Variants in KXD1 observed in about 807,000 individuals in gnomAD.
KXD1 encodes kxDL motif-containing protein 1.
In KXD1, 5 loss-of-function variants were observed where a neutral mutation model predicts 12.1. The ratio of observed to expected loss-of-function variants is 0.41; its 90% CI spans 0.22 to 0.87. KXD1 has a LOEUF of 0.87. KXD1 is among the 40% of genes least tolerant of loss of function. KXD1 has a pLI of 0.31. For missense variants in KXD1, 193 were observed against 244.9 expected (o/e 0.79, Z 1.41); for synonymous variants, 98 against 100.5 (o/e 0.98, Z 0.15).
intron 2 of KXD1, among the ~76,000 whole-genome samples, chr19:18,563,240 G>A (rs149238647): frequency 3.9e-4 from 59 of 152,000 alleles, no homozygotes; most frequent in African/African-American, 1.3e-3. Context: ...TGAGCCAGAG[G>A]CTCTTCTCAG....
intron 1 of KXD1, chr19:18,560,006 CT>C (rs1974867354): frequency 6.7e-6 from 1 of 148,358 alleles, no homozygotes; most frequent in African/African-American, 2.5e-5. Flanking sequence ...CCCTCCCTCC[CT>C]TCCTTCCTTC....
Position 18,568,995 on chromosome 19 carries a change from G to A in KXD1, c.*364G>A, listed in dbSNP as rs1017186608. On this transcript the variant is annotated 3_prime_UTR_variant, in exon 5 of 5. Transcript: ENST00000222307. ...CCAGAGCCAGATGTCCCCCACCACCGGTCAGGACCTCCTTGAGGTGCACAA... is the reference window on the plus strand; with the variant it reads ...CCAGAGCCAGATGTCCCCCACCACCAGTCAGGACCTCCTTGAGGTGCACAA... 13 of 282,220 alleles carry A rather than the reference G, an allele frequency of 4.6e-5. No homozygotes were observed. Among genetic ancestry groups the A allele is most frequent in the East Asian group, 1.7e-4 (2 of 11,856 alleles). 17.5% of individuals were successfully genotyped at this position (282,220 alleles called of 1,614,324 possible).
chr19:18,568,193 G>T (rs896912425), intron 4 of KXD1, among the ~76,000 whole-genome samples: 1 of 151,576 alleles, frequency 6.6e-6, no homozygotes, highest in South Asian at 2.1e-4. Flanking sequence ...CTTGAACCCG[G>T]GAGACGGAGG....
chr19:18,566,208 T>C (rs939075441), intron 3 of KXD1, among the ~76,000 whole-genome samples: 1 of 151,330 alleles, frequency 6.6e-6, no homozygotes, highest in Non-Finnish European at 1.5e-5. Flanking sequence ...CCCAGCACTT[T>C]GGGAGGCCGA....
Position 18,562,073 on chromosome 19 carries a change from C to T in KXD1, c.17C>T (p.Ser6Leu), listed in dbSNP as rs371042831. MDLPD[S>L]ASRVFCGRIL... ...GAGAAAGAGATGGACCTCCCGGACT[C>T]GGCCTCGAGGGTCTTCTGCGGCCGC... is the stretch of plus-strand genomic sequence containing the variant. The change falls in exon 2 of 5, where the codon TCG becomes TTG. Residue 6 changes from serine to leucine, a missense_variant. Transcript: ENST00000222307. The T allele has an allele frequency of 2.1e-5, 34 of 1,613,084 alleles. No homozygotes were observed. In the Admixed American group the frequency reaches 4.7e-4, roughly 22 times the overall value.
chr19:18,568,265 CAAAA>C (rs397859705), intron 4 of KXD1, 133 bp from the exon 5 acceptor site: 2,220 of 493,686 alleles, frequency 4.5e-3, no homozygotes, highest in South Asian at 4.7e-3. Context: ...AACTCCGTCT[CAAAA>C]AAAAAAAAAA....
chr19:18,561,821 C>A lies in KXD1; in HGVS notation c.-21-215C>A, dbSNP rs181706769. On this transcript the variant is annotated intron_variant, in intron 1 of 4. Transcript: ENST00000222307. ...TTCTAATGTGCTTGGGTACAGTTTACAAATACAACCTCTCTTAGTTTGCCC... is the reference window on the plus strand; with the variant it reads ...TTCTAATGTGCTTGGGTACAGTTTAAAAATACAACCTCTCTTAGTTTGCCC... 2.2e-3 allele frequency: 912 copies of A among 416,342 alleles called. 4 individuals carry two copies. The highest frequency in any genetic ancestry group is 7.9e-3 in the South Asian group (230 of 29,100). The allele number at this position is 416,342 out of a possible 1,614,324, so 25.8% of individuals were successfully genotyped here.
At position 18,568,730 on chromosome 19, in the gene KXD1, C is replaced by A; in HGVS notation, c.*99C>A. ...TCTGTCATCCAGGGCTCCTTTGCTGCCCCGTTCTGTCACCCAGGGCTCCTA... is the reference window on the plus strand; with the variant it reads ...TCTGTCATCCAGGGCTCCTTTGCTGACCCGTTCTGTCACCCAGGGCTCCTA... On this transcript the variant is annotated 3_prime_UTR_variant, in exon 5 of 5. Coordinates refer to ENST00000222307, the MANE Select transcript of KXD1 (RefSeq NM_024069.4). 1.1e-6 allele frequency: 1 copy of A among 885,662 alleles called. No homozygotes were observed. The allele number at this position is 885,662 out of a possible 1,614,324, so 54.9% of individuals were successfully genotyped here.
chr19:18,558,540 G>A (rs1286632186), intron 1 of KXD1: 1 of 152,130 alleles, frequency 6.6e-6, no homozygotes, highest in Admixed American at 6.6e-5. Context: ...ACTCCTCTTG[G>A]AGAAACAGCC....
chr19:18,566,945 G>A (rs1194897191), intron 3 of KXD1, among the ~76,000 whole-genome samples, 187 bp from the exon 4 acceptor site: 4 of 152,234 alleles, frequency 2.6e-5, no homozygotes, highest in East Asian at 1.9e-4. Flanking sequence ...GCTGGTGGGC[G>A]ACTGTCAGGG....
chr19:18,564,990 C>A lies in KXD1; in HGVS notation c.223C>A (p.Arg75=). The A allele has an allele frequency of 1.2e-6, 2 of 1,609,184 alleles. No homozygotes were observed. Among genetic ancestry groups the A allele is most frequent in the Non-Finnish European group, 1.7e-6 (2 of 1,179,974 alleles). ...CACGAGGACCCTAGTAGAGATGAAA[C>A]GGGACCTGGACAGCATCTTCCGCCG... is the stretch of plus-strand genomic sequence containing the variant. ...HHTRTLVEMK[R]DLDSIFRRIR... Residue 75 remains arginine, a synonymous_variant, in exon 3 of 5, where the codon CGG becomes AGG. Transcript: ENST00000222307.
intron 3 of KXD1, 146 bp downstream of exon 3, chr19:18,565,167 C>A (rs779024888): frequency 1.4e-6 from 2 of 1,436,630 alleles, no homozygotes; most frequent in Admixed American, 2.7e-5. Context: ...TGGGACAATT[C>A]CAACCCTGGG....
At chr19:18,567,253 C>G in intron 4 of KXD1, 75 bp downstream of exon 4, 1 of 1,458,286 alleles carries the variant, frequency 6.9e-7, no homozygotes, top group South Asian at 1.1e-5. Context: ...GGAAGGCCAC[C>G]TTGGGGCCTG....
chr19:18,566,959 T>C (rs1272517937), intron 3 of KXD1, among the ~76,000 whole-genome samples, 173 bp from the exon 4 acceptor site: 1 of 152,136 alleles, frequency 6.6e-6, no homozygotes, highest in Non-Finnish European at 1.5e-5. Context: ...GTCAGGGCCG[T>C]GGCTGCTGGG....
At chr19:18,559,291 C>T (rs1353238696) in intron 1 of KXD1, 1 of 152,094 alleles carries the variant, frequency 6.6e-6, no homozygotes, top group Non-Finnish European at 1.5e-5. Flanking sequence ...TCCAGGTATC[C>T]TCTTTATACA....
intron 1 of KXD1, among the ~76,000 whole-genome samples, chr19:18,561,167 C>G (rs1293153744): frequency 6.6e-6 from 1 of 152,036 alleles, no homozygotes; most frequent in Non-Finnish European, 1.5e-5. Context: ...CTTTGGGAGG[C>G]CAAGGCAAAA....
intron 1 of KXD1, among the ~76,000 whole-genome samples, chr19:18,561,267 A>G (rs1037856464): frequency 9.9e-5 from 15 of 151,628 alleles, no homozygotes; most frequent in Non-Finnish European, 2.2e-4. Context: ...AACAAGGTAA[A>G]GTAGCCTGGG....
At chr19:18,561,992 C>A in intron 1 of KXD1, 44 bp from the exon 2 acceptor site, 2 of 1,347,248 alleles carry the variant, frequency 1.5e-6, no homozygotes, top group Non-Finnish European at 2.1e-6. Context: ...GGTCCCACCT[C>A]ACCTGGTGAC....
intron 2 of KXD1, among the ~76,000 whole-genome samples, chr19:18,563,344 C>CT (rs11342485): frequency 1.2e-3 from 150 of 122,524 alleles, no homozygotes; most frequent in Non-Finnish European, 1.5e-3. Flanking sequence ...TCTCCTGTGT[C>CT]TTTTTTTTTT....
Sources: gnomAD v4.1 joint callset for allele counts (sites outside exome capture counted in the v4.1 genomes callset) on GRCh38, gnomAD v4.1.1 for gene constraint, MANE v1.5 for transcripts, NCBI Gene and HGNC (gene_info 2026-07-23, HGNC 2026-07-21) for gene names.